RELCH: variants seen among roughly 807,000 people sequenced by gnomAD.
RELCH encodes the protein RAB11-binding protein RELCH.
A neutral mutation model predicts 150.3 loss-of-function variants in RELCH; 41 were observed. That is an observed-to-expected ratio of 0.27 (90% CI 0.21 to 0.35). The LOEUF (loss-of-function observed/expected upper bound fraction) is 0.35. Ranked by LOEUF, RELCH falls within the 10% of genes least tolerant of loss-of-function variation. RELCH has a pLI of 1.00. For missense variants in RELCH, 1,092 were observed against 1,467.8 expected (o/e 0.74, Z 4.18); for synonymous variants, 478 against 531.8 (o/e 0.90, Z 1.39).
intron 25 of RELCH, among the ~76,000 whole-genome samples, chr18:62,287,005 A>G (rs2044839544): frequency 6.6e-6 from 1 of 152,216 alleles, no homozygotes; most frequent in Non-Finnish European, 1.5e-5. Context: ...AACTGCAAGT[A>G]TAAATAATAC....
chr18:62,206,885 T>G (rs1255660625), intron 1 of RELCH, among the ~76,000 whole-genome samples: 1 of 121,796 alleles, frequency 8.2e-6, no homozygotes, highest in Non-Finnish European at 1.7e-5. Context: ...CTCAATACAC[T>G]TGTTTGTTCT....
intron 25 of RELCH, among the ~76,000 whole-genome samples, chr18:62,284,897 T>C (rs924182462): frequency 6.6e-6 from 1 of 152,166 alleles, no homozygotes; most frequent in African/African-American, 2.4e-5. Flanking sequence ...AGTTGTTTTT[T>C]GTTTTCAGCT....
chr18:62,246,838 A>G (rs1447726838), intron 11 of RELCH: 1 of 152,204 alleles, frequency 6.6e-6, no homozygotes, highest in African/African-American at 2.4e-5. Flanking sequence ...GAGATGGGCA[A>G]ATGATATCTT....
chr18:62,261,399 A>G, intron 15 of RELCH, 112 bp from the exon 16 acceptor site: 1 of 910,938 alleles, frequency 1.1e-6, no homozygotes, highest in Non-Finnish European at 1.7e-6. Flanking sequence ...AGTCCAACAT[A>G]AAGGTCCTTA....
At chr18:62,286,466 G>A (rs2044799428) in intron 25 of RELCH, among the ~76,000 whole-genome samples, 1 of 152,094 alleles carries the variant, frequency 6.6e-6, no homozygotes. Context: ...GGATGCAGGA[G>A]TTTTTCCAGT....
intron 15 of RELCH, among the ~76,000 whole-genome samples, chr18:62,259,286 A>G (rs1043772984): frequency 2.0e-5 from 3 of 151,978 alleles, no homozygotes; most frequent in Non-Finnish European, 2.9e-5. Context: ...AGGAGAGGGG[A>G]AGTATTATAG....
intron 27 of RELCH, among the ~76,000 whole-genome samples, chr18:62,294,832 A>G (rs1297367024): frequency 6.6e-6 from 1 of 152,094 alleles, no homozygotes; most frequent in African/African-American, 2.4e-5. Context: ...TTCTTTTCCT[A>G]TATGGACAAT....
At chr18:62,204,192 G>A (rs2039636371) in intron 1 of RELCH, among the ~76,000 whole-genome samples, 2 of 151,904 alleles carry the variant, frequency 1.3e-5, no homozygotes. Flanking sequence ...ATTATTTATA[G>A]TACTTTTTTA....
At chr18:62,236,169 T>C (rs1419261079) in intron 10 of RELCH, among the ~76,000 whole-genome samples, 2 of 152,018 alleles carry the variant, frequency 1.3e-5, no homozygotes, top group Non-Finnish European at 2.9e-5. Flanking sequence ...TAAAATGGCA[T>C]TGAATTTGCC....
chr18:62,299,672 T>G (rs1219665394), intron 28 of RELCH, among the ~76,000 whole-genome samples: 1 of 152,180 alleles, frequency 6.6e-6, no homozygotes. Context: ...ATAGACACAT[T>G]CACATCTTCT....
chr18:62,241,765 A>G (rs1237715984), intron 10 of RELCH, among the ~76,000 whole-genome samples: 2 of 152,208 alleles, frequency 1.3e-5, no homozygotes, highest in Non-Finnish European at 2.9e-5. Flanking sequence ...CTATTAACTT[A>G]TGAATAGTCT....
chr18:62,259,068 G>C (rs1330326599), intron 15 of RELCH, among the ~76,000 whole-genome samples: 3 of 150,922 alleles, frequency 2.0e-5, no homozygotes, highest in Non-Finnish European at 4.4e-5. Flanking sequence ...TGCTTTAACT[G>C]TGGTTATTCC....
At chr18:62,204,045 ATACT>A (rs1239189742) in intron 1 of RELCH, among the ~76,000 whole-genome samples, 4 of 152,182 alleles carry the variant, frequency 2.6e-5, no homozygotes, top group Non-Finnish European at 5.9e-5. Context: ...ATATCTTTAC[ATACT>A]TATATATGGG....
At chr18:62,250,875 C>T (rs539177714) in intron 11 of RELCH, among the ~76,000 whole-genome samples, 1 of 152,286 alleles carries the variant, frequency 6.6e-6, no homozygotes, top group African/African-American at 2.4e-5. Context: ...ATGTGAATTA[C>T]ATAAGCATTC....
chr18:62,244,467 G>C (rs2042304314), intron 10 of RELCH, among the ~76,000 whole-genome samples: 1 of 152,094 alleles, frequency 6.6e-6, no homozygotes, highest in Non-Finnish European at 1.5e-5. Context: ...TCACATGATG[G>C]AATGTTATTT....
rs777203676 is a variant in RELCH, at chr18:62,273,990, G to A, written c.2771G>A (p.Arg924Gln). 7.5e-6 allele frequency: 12 copies of A among 1,609,200 alleles called. No homozygotes were observed. In the Admixed American group the frequency reaches 8.4e-5, roughly 11 times the overall value. Residue 924 changes from arginine (R) to glutamine (Q), a missense_variant, in exon 21 of 29, where the codon CGA becomes CAA. Physicochemically the swap from Arg to Gln is conservative, Grantham distance 43. Around this residue, in one of 4 missense-constraint regions of RELCH, gnomAD observed 707 missense variants for 1,025.4 expected, o/e 0.69. Transcript: ENST00000644646. ...ATTTTTCCTCTGTAGGAAGAAGACC[G>A]AAAACTGTTAGTTGGATTCTTAGAA... ...VLTCYIQEED[R>Q]KLLVGFLEDV...
intron 11 of RELCH, chr18:62,246,767 C>A (rs948792633): frequency 2.6e-5 from 4 of 152,132 alleles, no homozygotes; most frequent in African/African-American, 9.7e-5. Flanking sequence ...AGTCTGCTGT[C>A]AGTGTTTCTC....
chr18:62,305,659 C>A lies in RELCH; in HGVS notation c.*125C>A, dbSNP rs1350431717. The stretch of plus-strand genomic sequence containing the variant: ...TTCTTGCATTATAATTTTATCCTAA[C>A]CTCCAAAGATATTTGCACTGCTTTT... On this transcript the variant is annotated 3_prime_UTR_variant, in exon 29 of 29. Transcript: ENST00000644646. This position sits in a 1 kb window ranked among gnomAD's most constrained non-coding sequence, Gnocchi z 4.0. 1 of 1,001,262 alleles carries A rather than the reference C, an allele frequency of 1.0e-6. No individual in the cohort carries two copies. Among genetic ancestry groups the A allele is most frequent in the Admixed American group, 3.0e-5 (1 of 33,714 alleles). 62.0% of individuals were successfully genotyped at this position (1,001,262 alleles called of 1,614,324 possible). A position where few individuals can be genotyped will look rare whatever the true frequency, so the allele number is the denominator to read the frequency against.
chr18:62,198,177 A>T (rs1437451475), intron 1 of RELCH, among the ~76,000 whole-genome samples: 2 of 152,256 alleles, frequency 1.3e-5, no homozygotes, highest in Non-Finnish European at 2.9e-5. Context: ...GGATAGTCAC[A>T]TCCTACATGT....
Sources: gnomAD v4.1 joint callset for allele counts (sites outside exome capture counted in the v4.1 genomes callset) on GRCh38, gnomAD v4.1.1 for gene constraint, gnomAD v4.1.1 regional missense constraint, Gnocchi (gnomAD v3.1) non-coding constraint, MANE v1.5 for transcripts, NCBI Gene and HGNC (gene_info 2026-07-23, HGNC 2026-07-21) for gene names.